The following DOP1B variants were observed in gnomAD, a reference collection of about 807,000 sequenced individuals.
DOP1B encodes protein DOP1B.
A neutral mutation model predicts 233.5 loss-of-function variants in DOP1B; 174 were observed. That is an observed-to-expected ratio of 0.75 (90% CI 0.66 to 0.85). The LOEUF (loss-of-function observed/expected upper bound fraction) is 0.85, where lower values mean the gene tolerates loss of function less well. Ranked by LOEUF, DOP1B falls within the 40% of genes least tolerant of loss-of-function variation. DOP1B has a pLI of 0.00. For synonymous variants in DOP1B, 1,190 were observed against 1,185.6 expected (o/e 1.00, Z -0.08); for missense variants, 2,652 against 2,846.6 (o/e 0.93, Z 1.56).
chr21:36,205,877 G>A (rs2066420317), intron 4 of DOP1B, among the ~76,000 whole-genome samples: 1 of 152,084 alleles, frequency 6.6e-6, no homozygotes, highest in African/African-American at 2.4e-5. Context: ...AGGCATGGTG[G>A]CGGCTGCCTG....
At position 36,246,693 on chromosome 21, in the gene DOP1B, T is replaced by C. The variant is rs528129247; in HGVS notation, c.4697+16T>C. The C allele has an allele frequency of 6.3e-7, 1 of 1,591,042 alleles. No homozygotes were observed. Among genetic ancestry groups the C allele is most frequent in the South Asian group, 1.1e-5 (1 of 89,814 alleles). On this transcript the variant is annotated intron_variant, in intron 19 of 36. Coordinates refer to ENST00000691173, the MANE Select transcript of DOP1B (RefSeq NM_001320714.2). This position sits in a 1 kb window ranked among gnomAD's most constrained non-coding sequence, Gnocchi z 5.1. ...TCTCTGTCAGGTGCGTTACGCTCCT[T>C]GTGACATCTTTATTGCTTTAGTGAT...
In DOP1B at chr21:36,169,920, C is replaced by T. The variant is rs2123403152; in HGVS notation, c.138+5049C>T. On this transcript the variant is annotated intron_variant, in intron 2 of 36. Coordinates refer to ENST00000691173, the MANE Select transcript of DOP1B (RefSeq NM_001320714.2). Reference sequence around the variant, plus strand: ...GGGTTTCCACGTAGCCCGCAATGCCCACAACCACCATAGGTGGTGTCTCCA... The same window carrying T: ...GGGTTTCCACGTAGCCCGCAATGCCTACAACCACCATAGGTGGTGTCTCCA... The T allele has an allele frequency of 1.8e-5, 14 of 772,360 alleles. 2 individuals carry two copies. The highest frequency in any genetic ancestry group is 1.7e-4 in the South Asian group (13 of 74,450). The allele number at this position is 772,360 out of a possible 1,614,324, so 47.8% of individuals were successfully genotyped here.
intron 32 of DOP1B, among the ~76,000 whole-genome samples, chr21:36,285,089 T>C (rs1474034280): frequency 6.6e-6 from 1 of 152,146 alleles, no homozygotes; most frequent in Non-Finnish European, 1.5e-5. Flanking sequence ...GAACGGAGTC[T>C]CACTCTGTTG....
At chr21:36,193,374 A>C (rs2066255487) in intron 2 of DOP1B, among the ~76,000 whole-genome samples, 2 of 151,832 alleles carry the variant, frequency 1.3e-5, no homozygotes, top group African/African-American at 4.8e-5. Flanking sequence ...CCCCGGGGGG[A>C]ATTTAGCAAG....
At chr21:36,217,617 C>T (rs1252857182) in intron 9 of DOP1B, among the ~76,000 whole-genome samples, 4 of 152,202 alleles carry the variant, frequency 2.6e-5, no homozygotes, top group Non-Finnish European at 4.4e-5. Flanking sequence ...TCATTCTTAA[C>T]GAAAGTCCAA....
rs1052764087 is a variant in DOP1B at position 36,172,430 on chromosome 21, C to T, written c.138+7559C>T. ...CTTGGTTCTGTGAAACTTGCAACTTCTGCATTCAAGGGTCCCTGATAGGAG... is the reference window on the plus strand; with the variant it reads ...CTTGGTTCTGTGAAACTTGCAACTTTTGCATTCAAGGGTCCCTGATAGGAG... On this transcript the variant is annotated intron_variant, in intron 2 of 36. Coordinates refer to ENST00000691173, the MANE Select transcript of DOP1B (RefSeq NM_001320714.2). Among the ~76,000 whole-genome samples, 7 of 152,224 alleles carry T rather than the reference C, an allele frequency of 4.6e-5. 1 individual carries two copies. Among genetic ancestry groups the T allele is most frequent in the Non-Finnish European group, 1.0e-4 (7 of 68,042 alleles).
At chr21:36,212,275 T>C (rs1443012296) in intron 7 of DOP1B, among the ~76,000 whole-genome samples, 178 bp downstream of exon 7, 1 of 152,238 alleles carries the variant, frequency 6.6e-6, no homozygotes, top group Admixed American at 6.5e-5. Flanking sequence ...CATAGCTTGG[T>C]TATTTTGCAG....
chr21:36,189,693 G>A (rs563962289), intron 2 of DOP1B, among the ~76,000 whole-genome samples: 10 of 151,464 alleles, frequency 6.6e-5, no homozygotes, highest in African/African-American at 2.4e-4. Flanking sequence ...CTGGGTGACA[G>A]AGCGAGACTC....
At chr21:36,205,061 G>A (rs2066412454) in intron 4 of DOP1B, among the ~76,000 whole-genome samples, 2 of 152,154 alleles carry the variant, frequency 1.3e-5, no homozygotes, top group Admixed American at 6.6e-5. Context: ...GCAGTTTACA[G>A]TACAGGGTGC....
intron 2 of DOP1B, among the ~76,000 whole-genome samples, chr21:36,177,223 G>C (rs2066041963): frequency 6.6e-6 from 1 of 152,166 alleles, no homozygotes; most frequent in Admixed American, 6.5e-5. Context: ...CCTTACCCCA[G>C]GTTATCTGAA....
rs1316898570 is a variant in DOP1B at position 36,230,576 on chromosome 21, C to G, written c.1792C>G (p.Pro598Ala). The stretch of plus-strand genomic sequence containing the variant: ...TGGGATCGGGCTCAGTGCCTCGTCA[C>G]CGGAGCTCTCTGAGCACTTGAGGGT... ...DSGIGLSASS[P>A]ELSEHLRVPR... is the part of the protein sequence containing the mutation. Residue 598 changes from proline (P) to alanine (A), a missense_variant, in exon 14 of 37, where the codon CCG becomes GCG. By Grantham distance (27) the Pro-to-Ala change is conservative. Around this residue, in one of 3 missense-constraint regions of DOP1B, gnomAD observed 2,617 missense variants for 2,794.3 expected, o/e 0.94. Coordinates refer to ENST00000691173, the MANE Select transcript of DOP1B (RefSeq NM_001320714.2). 6.2e-7 allele frequency: 1 copy of G among 1,614,100 alleles called. No homozygotes were observed. Among genetic ancestry groups the G allele is most frequent in the African/African-American group, 1.3e-5 (1 of 74,944 alleles).
At chr21:36,161,331 G>A (rs1412800629) in intron 1 of DOP1B, among the ~76,000 whole-genome samples, 1 of 152,100 alleles carries the variant, frequency 6.6e-6, no homozygotes, top group African/African-American at 2.4e-5. Context: ...TAGAGATGGA[G>A]TTTCACCATG....
intron 4 of DOP1B, among the ~76,000 whole-genome samples, chr21:36,205,068 G>T (rs114410589): frequency 6.6e-6 from 1 of 152,160 alleles, no homozygotes; most frequent in African/African-American, 2.4e-5. Flanking sequence ...ACAGTACAGG[G>T]TGCTGTTGTC....
At chr21:36,201,949 C>G (rs1441228714) in intron 4 of DOP1B, among the ~76,000 whole-genome samples, 1 of 151,978 alleles carries the variant, frequency 6.6e-6, no homozygotes, top group Non-Finnish European at 1.5e-5. Flanking sequence ...CTTTGGGAGG[C>G]CAGAGCAGGT....
At chr21:36,193,988 G>T in intron 2 of DOP1B, among the ~76,000 whole-genome samples, 1 of 152,260 alleles carries the variant, frequency 6.6e-6, no homozygotes, top group East Asian at 1.9e-4. Flanking sequence ...AACTTCGTGA[G>T]GTATCACAGT....
intron 9 of DOP1B, among the ~76,000 whole-genome samples, chr21:36,215,833 T>G (rs2066552323): frequency 7.7e-6 from 1 of 129,112 alleles, no homozygotes; most frequent in African/African-American, 2.9e-5. Flanking sequence ...GCCAAGATGG[T>G]GAAACCCCAT....
At chr21:36,288,923 A>AAAGGACCAG (rs1380819498) in intron 34 of DOP1B, 112 bp downstream of exon 34, 1 of 1,460,766 alleles carries the variant, frequency 6.8e-7, no homozygotes, top group African/African-American at 1.4e-5. Flanking sequence ...AGTACTTGTG[A>AAAGGACCAG]AAGGACCAGC....
chr21:36,274,228 A>T (rs1291330696), intron 27 of DOP1B, among the ~76,000 whole-genome samples: 1 of 152,170 alleles, frequency 6.6e-6, no homozygotes. Context: ...TGAGCACAGA[A>T]ACTGGAAGTC....
intron 27 of DOP1B, among the ~76,000 whole-genome samples, chr21:36,270,535 A>G (rs540707464): frequency 7.1e-6 from 1 of 140,470 alleles, no homozygotes; most frequent in East Asian, 2.1e-4. Context: ...CCCAGGCGAC[A>G]AAGCAAGACT....
Sources: allele counts gnomAD v4.1 joint callset (sites outside exome capture counted in the v4.1 genomes callset), GRCh38; gene constraint gnomAD v4.1.1; regional missense constraint gnomAD v4.1.1; non-coding constraint Gnocchi (gnomAD v3.1); transcripts MANE v1.5; gene names NCBI Gene and HGNC (gene_info 2026-07-23, HGNC 2026-07-21).